Variants in GLMP observed in about 807,000 individuals in gnomAD.
GLMP encodes the protein glycosylated lysosomal membrane protein.
GLMP carries 36 observed loss-of-function variants against 39.2 expected under a neutral mutation model. That is an observed-to-expected ratio of 0.92 (90% CI 0.70 to 1.21). The LOEUF (loss-of-function observed/expected upper bound fraction) is 1.21. Ranked by LOEUF, GLMP falls within the 50% of genes most tolerant of loss-of-function variation. GLMP has a pLI of 0.00. For synonymous variants in GLMP, 220 were observed against 218.9 expected (o/e 1.01, Z -0.04); for missense variants, 454 against 505.6 (o/e 0.90, Z 0.98).
intron 3 of GLMP, 24 bp downstream of exon 3, chr1:156,294,341 T>A (rs1304772637): frequency 1.4e-5 from 22 of 1,612,972 alleles, no homozygotes; most frequent in Non-Finnish European, 1.8e-5. Flanking sequence ...CTTTTTGAGC[T>A]CTTTCCGATT....
chr1:156,293,706 C>T, intron 4 of GLMP, 130 bp from the exon 5 acceptor site: 1 of 1,554,042 alleles, frequency 6.4e-7, no homozygotes, highest in Non-Finnish European at 8.7e-7. Flanking sequence ...GCCTCAATCC[C>T]TCCTCTGTAA....
chr1:156,293,690 G>A (rs1470181416), intron 4 of GLMP, 114 bp from the exon 5 acceptor site: 4 of 1,560,432 alleles, frequency 2.6e-6, no homozygotes, highest in Non-Finnish European at 3.5e-6. Flanking sequence ...CTGAGTCCTA[G>A]GCAGGGCCTC....
intron 1 of GLMP, chr1:156,295,254 G>A: frequency 7.6e-7 from 1 of 1,307,562 alleles, no homozygotes; most frequent in Non-Finnish European, 9.8e-7. Context: ...TGGTGGGCGG[G>A]TCAGGGCACA....
At position 156,293,071 on chromosome 1, in the gene GLMP, C is replaced by A. The variant is rs750378532; in HGVS notation, c.1194G>T (p.Lys398Asn). 9 of 1,614,010 alleles carry A rather than the reference C, an allele frequency of 5.6e-6. No homozygotes were observed. The highest frequency in any genetic ancestry group is 7.6e-6 in the Non-Finnish European group (9 of 1,180,032). ...GGLVLLLHHK[K>N]YSEYQSIN ...AATTTATGGACTGGTACTCTGAGTACTTCTTGTGGTGCAGCAGCAGAACCA... is the reference window on the plus strand; with the variant it reads ...AATTTATGGACTGGTACTCTGAGTAATTCTTGTGGTGCAGCAGCAGAACCA... Residue 398 changes from lysine (K) to asparagine (N), a missense_variant, in exon 6 of 6, where the codon AAG becomes AAT. Physicochemically the swap from Lys to Asn is moderately conservative, Grantham distance 94 (BLOSUM62 0). Coordinates refer to ENST00000362007, the MANE Select transcript of GLMP (RefSeq NM_144580.3).
At position 156,295,574 on chromosome 1, in the gene GLMP, T is replaced by C; in HGVS notation, c.72A>G (p.Leu24=). The change falls in exon 1 of 6, where the codon CTA becomes CTG. Residue 24 remains leucine, a synonymous_variant. Transcript: ENST00000362007. The part of the protein sequence containing the change: ...CAPSPLLLWT[L]LLFAAPFGLL... ...GGCCAAATGGGGCTGCAAACAGAAGTAGAGTCCAAAGGAGCAGGGGGCTGG... is the reference window on the plus strand; with the variant it reads ...GGCCAAATGGGGCTGCAAACAGAAGCAGAGTCCAAAGGAGCAGGGGGCTGG... 1.9e-6 allele frequency: 3 copies of C among 1,558,488 alleles called. No individual in the cohort carries two copies. The highest frequency in any genetic ancestry group is 2.6e-6 in the Non-Finnish European group (3 of 1,154,332).
rs34655212 is a variant in GLMP at position 156,294,384 on chromosome 1, T to C, written c.560A>G (p.Asn187Ser). ...CCTTACCCTGAAGGCCAGGCTGCCATTGGCAAAAGTCCTGGTAGGGTCGTT... is the reference window on the plus strand; with the variant it reads ...CCTTACCCTGAAGGCCAGGCTGCCACTGGCAAAAGTCCTGGTAGGGTCGTT... ...PMNDPTRTFA[N>S]GSLAFRVQAF... Residue 187 changes from asparagine (N) to serine (S), a missense_variant, in exon 3 of 6, where the codon AAT (asparagine) becomes AGT (serine). Physicochemically the swap from Asn to Ser is conservative, Grantham distance 46 (BLOSUM62 1). Transcript: ENST00000362007. 1,361 of 1,614,180 alleles carry C rather than the reference T, an allele frequency of 8.4e-4. 14 individuals are homozygous for C. In the African/African-American group the frequency reaches 0.016, roughly 19 times the overall value.
intron 4 of GLMP, chr1:156,293,804 T>G: frequency 7.6e-7 from 1 of 1,316,476 alleles, no homozygotes; most frequent in Non-Finnish European, 1.1e-6. Flanking sequence ...CTAGCCCCCT[T>G]GCAGATCTCC....
rs377002995 is a variant in GLMP, at chr1:156,293,327, G to A, written c.1048C>T (p.Leu350Phe). The A allele has an allele frequency of 1.9e-6, 3 of 1,614,072 alleles. No individual in the cohort carries two copies. The highest frequency in any genetic ancestry group is 2.5e-6 in the Non-Finnish European group (3 of 1,180,052). ...CCAAACCCTGGCTCTCACCAGCTGAGGTAGTGTTGGTCCCAATAGCCAGGG... is the reference window on the plus strand; with the variant it reads ...CCAAACCCTGGCTCTCACCAGCTGAAGTAGTGTTGGTCCCAATAGCCAGGG... ...TGPGYWDQHY[L>F]SWSMLLGVGF... is the part of the protein sequence containing the mutation. The change falls in exon 5 of 6, where the codon CTC becomes TTC. Residue 350 changes from leucine (L) to phenylalanine (F), a missense_variant. Coordinates refer to ENST00000362007, the MANE Select transcript of GLMP (RefSeq NM_144580.3).
In GLMP at chr1:156,292,837, C is replaced by A. The variant is rs1202371279; in HGVS notation, c.*207G>T. ...AAGGGGACCTTATCAATAGCCCTGTCCCCTGCCCGCCTCCAAAGTCCCCCA... is the reference window on the plus strand; with the variant it reads ...AAGGGGACCTTATCAATAGCCCTGTACCCTGCCCGCCTCCAAAGTCCCCCA... On this transcript the variant is annotated 3_prime_UTR_variant, in exon 6 of 6. Coordinates refer to ENST00000362007, the MANE Select transcript of GLMP (RefSeq NM_144580.3). 1.7e-6 allele frequency: 1 copy of A among 601,360 alleles called. No homozygotes were observed. The highest frequency in any genetic ancestry group is 3.3e-5 in the Admixed American group (1 of 30,582). 37.3% of individuals were successfully genotyped at this position (601,360 alleles called of 1,614,324 possible). A position where few individuals can be genotyped will look rare whatever the true frequency, so the allele number is the denominator to read the frequency against.
chr1:156,295,167 G>T, intron 1 of GLMP, 151 bp from the exon 2 acceptor site: 1 of 960,864 alleles, frequency 1.0e-6, no homozygotes, highest in Non-Finnish European at 1.5e-6. Flanking sequence ...GGAGCTGAGG[G>T]AACCCTGGGG....
intron 4 of GLMP, 125 bp from the exon 5 acceptor site, chr1:156,293,701 A>C: frequency 6.4e-7 from 1 of 1,555,518 alleles, no homozygotes; most frequent in Non-Finnish European, 8.7e-7. Context: ...GCAGGGCCTC[A>C]ATCCCTCCTC....
At position 156,294,175 on chromosome 1, in the gene GLMP, T is replaced by G. The variant is rs1663495900; in HGVS notation, c.641A>C (p.Asp214Ala). 6.2e-7 allele frequency: 1 copy of G among 1,613,902 alleles called. No homozygotes were observed. Among genetic ancestry groups the G allele is most frequent in the Admixed American group, 1.7e-5 (1 of 59,988 alleles). ...CAGGGCCACCTCTAGCTGACAGGTG[T>G]CTGCTGTGTGCAGGAGGCGAGGGGG... ...AQPPRLLHTADTCQLEVALIG... is the reference protein window; with the variant it reads ...AQPPRLLHTAATCQLEVALIG... The change falls in exon 4 of 6, where the codon GAC (aspartate) becomes GCC (alanine). Residue 214 changes from aspartate (D) to alanine (A), a missense_variant. Coordinates refer to ENST00000362007, the MANE Select transcript of GLMP (RefSeq NM_144580.3).
At position 156,294,509 on chromosome 1, in the gene GLMP, T is replaced by C; in HGVS notation, c.435A>G (p.Arg145=). The stretch of plus-strand genomic sequence containing the variant: ...CGGCCAAGGAGTATGGAGGATATGG[T>C]CTTCCCAAAGGCTTTGCTGCCGTAT... ...VSDTAAKPLG[R]PYPPYSLADF... is the part of the protein sequence containing the mutation. The change falls in exon 3 of 6, where the codon AGA becomes AGG. Residue 145 remains arginine, a synonymous_variant. Transcript: ENST00000362007. 2 of 1,614,040 alleles carry C rather than the reference T, an allele frequency of 1.2e-6. No homozygotes were observed. The highest frequency in any genetic ancestry group is 1.7e-6 in the Non-Finnish European group (2 of 1,180,010).
At position 156,294,530 on chromosome 1, in the gene GLMP, C is replaced by T. The variant is rs571649198; in HGVS notation, c.414G>A (p.Thr138=). The T allele has an allele frequency of 2.4e-5, 39 of 1,614,010 alleles. No individual in the cohort carries two copies. The highest frequency in any genetic ancestry group is 2.3e-4 in the Admixed American group (14 of 60,000). ...LEFDSTNVSD[T]AAKPLGRPYP... is the part of the protein sequence containing the mutation. ...ATGGTCTTCCCAAAGGCTTTGCTGCCGTATCGGACACGTTGGTGCTGTCAA... is the reference window on the plus strand; with the variant it reads ...ATGGTCTTCCCAAAGGCTTTGCTGCTGTATCGGACACGTTGGTGCTGTCAA... Residue 138 remains threonine, a synonymous_variant, in exon 3 of 6, where the codon ACG becomes ACA. Transcript: ENST00000362007.
chr1:156,295,459 G>T, intron 1 of GLMP, 67 bp downstream of exon 1: 1 of 1,427,922 alleles, frequency 7.0e-7, no homozygotes, highest in South Asian at 1.5e-5. Context: ...CTGGATGCCC[G>T]GTTCCAGCCA....
Position 156,294,159 on chromosome 1 carries a change from C to G in GLMP, c.657G>C (p.Glu219Asp). ...LLHTADTCQL[E>D]VALIGASPRG... is the part of the protein sequence containing the mutation. ...GGGGAGAGGCTCCAATCAGGGCCAC[C>G]TCTAGCTGACAGGTGTCTGCTGTGT... The change falls in exon 4 of 6, where the codon GAG becomes GAC. Residue 219 changes from glutamate to aspartate, a missense_variant. Coordinates refer to ENST00000362007, the MANE Select transcript of GLMP (RefSeq NM_144580.3). 6.2e-7 allele frequency: 1 copy of G among 1,614,108 alleles called. No individual in the cohort carries two copies. The highest frequency in any genetic ancestry group is 8.5e-7 in the Non-Finnish European group (1 of 1,179,934).
Position 156,294,111 on chromosome 1 carries a change from C to T in GLMP, c.705G>A (p.Gly235=). 1 of 1,614,190 alleles carries T rather than the reference C, an allele frequency of 6.2e-7. No homozygotes were observed. Among genetic ancestry groups the T allele is most frequent in the Non-Finnish European group, 8.5e-7 (1 of 1,180,036 alleles). Residue 235 remains glycine (G), a synonymous_variant, in exon 4 of 6, where the codon GGG becomes GGA. Transcript: ENST00000362007. Reference sequence around the variant, plus strand: ...CCTGGCCCAATGTGGCTACCTCCAGCCCAAACAGGGAACGGTTTCCCCGGG... The same window carrying T: ...CCTGGCCCAATGTGGCTACCTCCAGTCCAAACAGGGAACGGTTTCCCCGGG... The part of the protein sequence containing the change: ...ASPRGNRSLF[G]LEVATLGQGP...
At chr1:156,295,505 C>G (rs1253822797) in intron 1 of GLMP, 21 bp downstream of exon 1, 1 of 1,482,044 alleles carries the variant, frequency 6.7e-7, no homozygotes, top group Admixed American at 2.6e-5. Context: ...ACTTCTATCG[C>G]TGTAGCCCCA....
chr1:156,294,528 G>A lies in GLMP; in HGVS notation c.416C>T (p.Ala139Val), dbSNP rs1663520393. 6.2e-7 allele frequency: 1 copy of A among 1,614,090 alleles called. No homozygotes were observed. Among genetic ancestry groups the A allele is most frequent in the Non-Finnish European group, 8.5e-7 (1 of 1,180,022 alleles). The change falls in exon 3 of 6, where the codon GCA becomes GTA. Residue 139 changes from alanine to valine, a missense_variant. Coordinates refer to ENST00000362007, the MANE Select transcript of GLMP (RefSeq NM_144580.3). ...ATATGGTCTTCCCAAAGGCTTTGCT[G>A]CCGTATCGGACACGTTGGTGCTGTC... Reference protein sequence around the residue: ...EFDSTNVSDTAAKPLGRPYPP... With the variant: ...EFDSTNVSDTVAKPLGRPYPP...
Sources: gnomAD v4.1 joint callset for allele counts on GRCh38, gnomAD v4.1.1 for gene constraint, MANE v1.5 for transcripts, NCBI Gene and HGNC (gene_info 2026-07-23, HGNC 2026-07-21) for gene names.